Variants in ARHGEF28 observed in about 807,000 individuals in gnomAD.
The protein encoded by ARHGEF28 is Rho guanine nucleotide exchange factor 28.
ARHGEF28 carries 152 observed loss-of-function variants against 206.6 expected under a neutral mutation model. That is an observed-to-expected ratio of 0.74 (90% CI 0.64 to 0.84). The LOEUF (loss-of-function observed/expected upper bound fraction) is 0.84, where lower values mean the gene tolerates loss of function less well. ARHGEF28 is among the 40% of genes least tolerant of loss of function. The pLI is 0.00. For missense variants in ARHGEF28, 2,028 were observed against 2,073.2 expected (o/e 0.98, Z 0.42); for synonymous variants, 763 against 776.4 (o/e 0.98, Z 0.29).
In ARHGEF28 at chr5:73,941,086, T is replaced by A. The variant is rs776682133; in HGVS notation, c.*73T>A. The stretch of plus-strand genomic sequence containing the variant: ...AGAAACTTTTTGTCTCCATTCCTTA[T>A]GTATGTGTGATTGTCTGTGTCCAAA... On this transcript the variant is annotated 3_prime_UTR_variant, in exon 36 of 36. Transcript: ENST00000513042. 3 of 1,337,612 alleles carry A rather than the reference T, an allele frequency of 2.2e-6. No homozygotes were observed. Among genetic ancestry groups the A allele is most frequent in the Admixed American group, 3.4e-5 (1 of 29,728 alleles). The allele number at this position is 1,337,612 out of a possible 1,614,324, so 82.9% of individuals were successfully genotyped here.
chr5:73,807,794 T>C (rs1254045703), intron 9 of ARHGEF28, among the ~76,000 whole-genome samples: 1 of 151,956 alleles, frequency 6.6e-6, no homozygotes, highest in Non-Finnish European at 1.5e-5. Context: ...CTCAACAATA[T>C]AATTCTTTAA....
At chr5:73,825,190 A>T (rs531206200) in intron 9 of ARHGEF28, among the ~76,000 whole-genome samples, 1 of 152,298 alleles carries the variant, frequency 6.6e-6, no homozygotes, top group Non-Finnish European at 1.5e-5. Context: ...AATCCCTACT[A>T]TGCTAGGTGA....
chr5:73,904,638 TA>T (rs111912982), intron 33 of ARHGEF28: 10 of 512,336 alleles, frequency 2.0e-5, no homozygotes, highest in African/African-American at 1.2e-4. Context: ...TTCATATCTT[TA>T]AAAAATATTG....
At chr5:73,711,993 T>A (rs1336725102) in intron 2 of ARHGEF28, among the ~76,000 whole-genome samples, 1 of 152,150 alleles carries the variant, frequency 6.6e-6, no homozygotes, top group Non-Finnish European at 1.5e-5. Flanking sequence ...AGTTTTACTT[T>A]TAAATTATGA....
At chr5:73,649,256 A>G (rs1440734099) in intron 1 of ARHGEF28, among the ~76,000 whole-genome samples, 2 of 152,026 alleles carry the variant, frequency 1.3e-5, no homozygotes, top group Admixed American at 1.3e-4. Flanking sequence ...CTTTTGATAT[A>G]TTTATTTGTG....
chr5:73,663,301 T>C (rs931339849), intron 1 of ARHGEF28, among the ~76,000 whole-genome samples: 1 of 152,222 alleles, frequency 6.6e-6, no homozygotes, highest in Non-Finnish European at 1.5e-5. Flanking sequence ...ACTTCTTCAG[T>C]GTGCAGGACT....
At chr5:73,764,829 T>C (rs16870823) in intron 4 of ARHGEF28, among the ~76,000 whole-genome samples, 8,843 of 152,250 alleles carry the variant, frequency 0.058, 414 homozygotes, top group African/African-American at 0.12. Flanking sequence ...AAAGGCTGAT[T>C]TGTTTATCTA....
chr5:73,941,809 TA>T lies in ARHGEF28; in HGVS notation c.*798del, dbSNP rs1188515276. ...GAAAGAACCCTTCCCTGCAGTTTTT[TA>T]AGGACAAAACTGCCCACTCCTCATT... On this transcript the variant is annotated 3_prime_UTR_variant, in exon 36 of 36. Coordinates refer to ENST00000513042, the MANE Select transcript of ARHGEF28 (RefSeq NM_001177693.2). 6.6e-6 allele frequency: 1 copy of T among 152,188 alleles called. No homozygotes were observed. The highest frequency in any genetic ancestry group is 1.9e-4 in the East Asian group (1 of 5,196). The allele number at this position is 152,188 out of a possible 1,614,324, so 9.4% of individuals were successfully genotyped here. A position where few individuals can be genotyped will look rare whatever the true frequency, so the allele number is the denominator to read the frequency against.
chr5:73,627,163 G>C (rs1199427513), intron 1 of ARHGEF28: 4 of 152,298 alleles, frequency 2.6e-5, no homozygotes, highest in Non-Finnish European at 5.9e-5. Flanking sequence ...CCGAGGAACA[G>C]TGGCAACATC....
At chr5:73,887,921 A>G (rs1173067036) in intron 26 of ARHGEF28, among the ~76,000 whole-genome samples, 2 of 152,228 alleles carry the variant, frequency 1.3e-5, no homozygotes, top group African/African-American at 4.8e-5. Context: ...AGTGTAGCCA[A>G]CTGTGAGAAT....
intron 25 of ARHGEF28, among the ~76,000 whole-genome samples, chr5:73,887,192 T>A (rs779155405): frequency 3.3e-5 from 5 of 152,246 alleles, no homozygotes; most frequent in Non-Finnish European, 5.9e-5. Flanking sequence ...GTAAGGGAAG[T>A]ATGGAATCTT....
At chr5:73,674,571 T>C (rs1014966782) in intron 1 of ARHGEF28, among the ~76,000 whole-genome samples, 2 of 152,224 alleles carry the variant, frequency 1.3e-5, no homozygotes, top group Non-Finnish European at 2.9e-5. Context: ...ATGCCTAAAC[T>C]CCTTAGAATC....
chr5:73,794,089 C>T (rs377141332), intron 7 of ARHGEF28, among the ~76,000 whole-genome samples: 9 of 152,146 alleles, frequency 5.9e-5, no homozygotes, highest in Non-Finnish European at 1.2e-4. Context: ...GAAGAACTTG[C>T]GGTAGTGAGC....
intron 1 of ARHGEF28, among the ~76,000 whole-genome samples, chr5:73,677,189 A>G (rs905867022): frequency 6.6e-6 from 1 of 152,184 alleles, no homozygotes; most frequent in Non-Finnish European, 1.5e-5. Context: ...ATTTTCTAAT[A>G]TAAGCGTTCA....
intron 6 of ARHGEF28, chr5:73,780,319 T>G (rs1171256733): frequency 8.6e-6 from 2 of 232,946 alleles, no homozygotes; most frequent in Non-Finnish European, 1.7e-5. Context: ...GGATTTGGTC[T>G]GCTCCAGGTG....
chr5:73,846,400 T>A lies in ARHGEF28; in HGVS notation c.1560T>A (p.Phe520Leu). 1 of 1,613,920 alleles carries A rather than the reference T, an allele frequency of 6.2e-7. No homozygotes were observed. The highest frequency in any genetic ancestry group is 8.5e-7 in the Non-Finnish European group (1 of 1,179,832). Residue 520 changes from phenylalanine to leucine, a missense_variant, in exon 12 of 36, where the codon TTT (phenylalanine) becomes TTA (leucine). Transcript: ENST00000513042. The stretch of plus-strand genomic sequence containing the variant: ...CTAGTGGGGATGAATTGGACTCTTT[T>A]GAGACTAACACTGAACCGGATTTTA... The part of the protein sequence containing the change: ...GIPSGDELDS[F>L]ETNTEPDFNI...
chr5:73,850,884 G>A (rs545319944), intron 13 of ARHGEF28, among the ~76,000 whole-genome samples: 1 of 152,232 alleles, frequency 6.6e-6, no homozygotes, highest in South Asian at 2.1e-4. Context: ...AGTGAAGTTT[G>A]ATACTATCCA....
chr5:73,745,612 G>T (rs1307172724), intron 2 of ARHGEF28, among the ~76,000 whole-genome samples: 3 of 152,058 alleles, frequency 2.0e-5, no homozygotes, highest in Non-Finnish European at 2.9e-5. Flanking sequence ...ACTATGTTTA[G>T]TATGATTCTA....
At chr5:73,674,912 TC>T (rs1418780988) in intron 1 of ARHGEF28, among the ~76,000 whole-genome samples, 1 of 152,168 alleles carries the variant, frequency 6.6e-6, no homozygotes, top group African/African-American at 2.4e-5. Flanking sequence ...CTTGCCCTTT[TC>T]CACATGCTTC....
Sources: gnomAD v4.1 joint callset for allele counts (sites outside exome capture counted in the v4.1 genomes callset) on GRCh38, gnomAD v4.1.1 for gene constraint, MANE v1.5 for transcripts, NCBI Gene and HGNC (gene_info 2026-07-23, HGNC 2026-07-21) for gene names.